The following AKAP9 variants were observed in gnomAD, a reference collection of about 807,000 sequenced individuals.
AKAP9 encodes A-kinase anchoring protein 9, also known as A-kinase anchor protein 9.
In AKAP9, 311 loss-of-function variants were observed where a neutral mutation model predicts 488.5. That is an observed-to-expected ratio of 0.64 (90% CI 0.58 to 0.70). The LOEUF (loss-of-function observed/expected upper bound fraction) is 0.70, where lower values mean the gene tolerates loss of function less well. AKAP9 is among the 30% of genes least tolerant of loss of function. The probability of loss-of-function intolerance (pLI) is 0.00; values close to 1 mark genes in which losing one functional copy is unlikely to be tolerated. For synonymous variants in AKAP9, 1,462 were observed against 1,483.5 expected, an observed-to-expected ratio of 0.99 and a Z score of 0.33; for missense variants, 4,215 against 4,374.5, an observed-to-expected ratio of 0.96 and a Z score of 1.03.
Position 92,110,260 on chromosome 7 carries a change from A to G in AKAP9, c.*101A>G, listed in dbSNP as rs531392791. ...GTATTGTGAATATTCAATGGGACCA[A>G]TATGAACACAGCTTATGATTGTATA... On this transcript the variant is annotated 3_prime_UTR_variant, in exon 50 of 50. Transcript: ENST00000356239. 7 of 912,344 alleles carry G rather than the reference A, an allele frequency of 7.7e-6. No homozygotes were observed. The highest frequency in any genetic ancestry group is 7.0e-5 in the South Asian group (5 of 71,002). 56.5% of individuals were successfully genotyped at this position (912,344 alleles called of 1,614,324 possible). A position where few individuals can be genotyped will look rare whatever the true frequency, so the allele number is the denominator to read the frequency against.
chr7:92,019,097 T>C (rs916632884), intron 12 of AKAP9, among the ~76,000 whole-genome samples: 8 of 152,108 alleles, frequency 5.3e-5, no homozygotes, highest in African/African-American at 1.9e-4. Context: ...TATACTTTGT[T>C]CTCATTCAGT....
intron 1 of AKAP9, among the ~76,000 whole-genome samples, chr7:91,960,604 T>G (rs1225711950): frequency 6.6e-6 from 1 of 152,208 alleles, no homozygotes; most frequent in East Asian, 1.9e-4. Flanking sequence ...TCCTAATACC[T>G]TTTTCTTCAA....
At chr7:92,060,753 C>G (rs902461104) in intron 22 of AKAP9, among the ~76,000 whole-genome samples, 11 of 152,044 alleles carry the variant, frequency 7.2e-5, no homozygotes, top group African/African-American at 2.7e-4. Flanking sequence ...AATATAATTT[C>G]ATTTTGTTGT....
Position 92,001,669 on chromosome 7 carries a change from A to G in AKAP9, c.1752A>G (p.Glu584=). The G allele has an allele frequency of 6.2e-7, 1 of 1,612,822 alleles. No homozygotes were observed. The highest frequency in any genetic ancestry group is 8.5e-7 in the Non-Finnish European group (1 of 1,179,436). The part of the protein sequence containing the change: ...EIVSASESRK[E]LELKHEAEVT... ...TTTCTGCATCTGAATCCAGAAAGGAACTAGAATTAAAACATGAAGCAGAAG... is the reference window on the plus strand; with the variant it reads ...TTTCTGCATCTGAATCCAGAAAGGAGCTAGAATTAAAACATGAAGCAGAAG... Residue 584 remains glutamate, a synonymous_variant, in exon 8 of 50, where the codon GAA becomes GAG. Transcript: ENST00000356239.
intron 2 of AKAP9, among the ~76,000 whole-genome samples, chr7:91,976,176 G>A (rs1458877150): frequency 6.6e-6 from 1 of 152,134 alleles, no homozygotes; most frequent in Non-Finnish European, 1.5e-5. Context: ...GTCCACCTCA[G>A]CCTCCCAAAG....
At chr7:92,094,957 T>G in intron 39 of AKAP9, 66 bp from the exon 40 acceptor site, 1 of 1,492,854 alleles carries the variant, frequency 6.7e-7, no homozygotes, top group Non-Finnish European at 9.3e-7. Context: ...GAAGCTGTTT[T>G]TCTCTCTCTC....
At position 92,012,489 on chromosome 7, in the gene AKAP9, CAT is replaced by C. The variant is rs1562978402; in HGVS notation, c.3380_3381del (p.His1127ArgfsTer6). ...TTGCCTCTCTCTGGTTTATTCAACTCATGTGGATCAGGTTCGTGAATATATGG... is the reference window on the plus strand; with the variant it reads ...TTGCCTCTCTCTGGTTTATTCAACTCGTGGATCAGGTTCGTGAATATATGG... ...RICLSLVYST[H>X]VDQVREYMEN... is the part of the protein sequence containing the mutation. On this transcript the variant is annotated frameshift_variant, in exon 9 of 50. Transcript: ENST00000356239. LOFTEE classifies it high-confidence loss of function. 3 of 1,614,008 alleles carry C rather than the reference CAT, an allele frequency of 1.9e-6. No homozygotes were observed. The highest frequency in any genetic ancestry group is 1.7e-6 in the Non-Finnish European group (2 of 1,179,976).
At chr7:92,042,290 C>T (rs1584283439) in intron 19 of AKAP9, 104 bp downstream of exon 19, 1 of 1,476,244 alleles carries the variant, frequency 6.8e-7, no homozygotes, top group Middle Eastern at 1.7e-4. Flanking sequence ...AGGTACTGAG[C>T]TTAACATATT....
intron 1 of AKAP9, among the ~76,000 whole-genome samples, chr7:91,943,231 A>T (rs1272714599): frequency 6.6e-6 from 1 of 152,118 alleles, no homozygotes; most frequent in African/African-American, 2.4e-5. Flanking sequence ...AACCCCTGGA[A>T]ATAACTTTTA....
intron 12 of AKAP9, 93 bp downstream of exon 12, chr7:92,017,195 T>C: frequency 1.1e-6 from 1 of 949,400 alleles, no homozygotes; most frequent in Admixed American, 2.0e-5. Flanking sequence ...ATTTCTAAAG[T>C]AAGAGAACAT....
chr7:91,999,813 GCTTTT>G (rs1798914053), intron 7 of AKAP9, among the ~76,000 whole-genome samples: 1 of 152,084 alleles, frequency 6.6e-6, no homozygotes, highest in African/African-American at 2.4e-5. Context: ...TCCCTCTGAG[GCTTTT>G]CTTTTTCTCA....
rs764132877 is a variant in AKAP9, at chr7:92,038,901, GTTGTTTTGTT to G, written c.4692+142_4692+151del. 4.1e-6 allele frequency: 3 copies of G among 724,336 alleles called. No homozygotes were observed. The African/African-American group carries it at 5.4e-5, about 13-fold the overall frequency. The allele number at this position is 724,336 out of a possible 1,614,324, so 44.9% of individuals were successfully genotyped here. ...TATCAAATTCAGTCTTATGACTCAC[GTTGTTTTGTT>G]TTGTTTTGTTTTTGAGGCTGAGTCT... On this transcript the variant is annotated intron_variant, in intron 17 of 49. Coordinates refer to ENST00000356239, the MANE Select transcript of AKAP9 (RefSeq NM_005751.5).
intron 8 of AKAP9, among the ~76,000 whole-genome samples, chr7:92,009,384 T>A (rs1053746098): frequency 2.0e-5 from 3 of 152,230 alleles, no homozygotes; most frequent in African/African-American, 7.2e-5. Flanking sequence ...CTGATGGTTT[T>A]CTGGAAGAAT....
intron 22 of AKAP9, among the ~76,000 whole-genome samples, chr7:92,055,554 T>A (rs1808653194): frequency 6.6e-6 from 1 of 152,114 alleles, no homozygotes; most frequent in African/African-American, 2.4e-5. Context: ...CTATTTTGTT[T>A]AGGAAACAAC....
At chr7:91,968,830 TTCA>T (rs780415434) in intron 1 of AKAP9, among the ~76,000 whole-genome samples, 40 of 152,292 alleles carry the variant, frequency 2.6e-4, no homozygotes, top group Non-Finnish European at 5.0e-4. Context: ...CTCTTTTAAT[TTCA>T]TCATTGACCC....
rs1448146834 is a variant in AKAP9, at chr7:92,000,979, T to A, written c.1062T>A (p.Thr354=). The A allele has an allele frequency of 1.3e-6, 2 of 1,537,256 alleles. No individual in the cohort carries two copies. Among genetic ancestry groups the A allele is most frequent in the South Asian group, 2.5e-5 (2 of 79,326 alleles). ...TTGAGCTAAAGGATAAATTAACAAC[T>A]GCTGATAAATTACTAGGAGAATTAC... ...KTLELKDKLT[T]ADKLLGELQE... is the part of the protein sequence containing the mutation. Residue 354 remains threonine, a synonymous_variant, in exon 8 of 50, where the codon ACT becomes ACA. Transcript: ENST00000356239.
chr7:92,053,708 A>G (rs977634865), intron 22 of AKAP9, among the ~76,000 whole-genome samples: 1 of 152,172 alleles, frequency 6.6e-6, no homozygotes, highest in Admixed American at 6.6e-5. Context: ...ATATCACTGA[A>G]TGGATCACAA....
chr7:91,943,003 G>A (rs1790984457), intron 1 of AKAP9, among the ~76,000 whole-genome samples: 1 of 151,560 alleles, frequency 6.6e-6, no homozygotes, highest in Non-Finnish European at 1.5e-5. Flanking sequence ...ACCAACCTGG[G>A]CAACATAGTG....
rs868365021 is a variant in AKAP9 at position 92,076,914 on chromosome 7, A to G, written c.6672A>G (p.Glu2224=). The change falls in exon 29 of 50, where the codon GAA becomes GAG. Residue 2224 remains glutamate (E), a synonymous_variant. Transcript: ENST00000356239. ...QFREELENKN[E]EVQQLHMQLE... ...GAGAAGAACTGGAAAATAAGAATGA[A>G]GAAGTTCAACAATTACATATGCAAT... 1.3e-6 allele frequency: 2 copies of G among 1,542,030 alleles called. No individual in the cohort carries two copies. Among genetic ancestry groups the G allele is most frequent in the Middle Eastern group, 1.7e-4 (1 of 5,882 alleles).
Sources: allele counts gnomAD v4.1 joint callset (sites outside exome capture counted in the v4.1 genomes callset), GRCh38; gene constraint gnomAD v4.1.1; transcripts MANE v1.5; gene names NCBI Gene and HGNC (gene_info 2026-07-23, HGNC 2026-07-21).